SMIM8: variants seen among roughly 807,000 people sequenced by gnomAD.
SMIM8 encodes the protein UPF0708 protein C6orf162.
In SMIM8, 8 loss-of-function variants were observed where a neutral mutation model predicts 8.1. The ratio of observed to expected loss-of-function variants is 0.99; its 90% CI spans 0.58 to 1.78. The LOEUF is 1.78. Ranked by LOEUF, SMIM8 falls within the 40% of genes most tolerant of loss-of-function variation. The pLI is 0.00. For missense variants in SMIM8, 126 were observed against 119.8 expected (o/e 1.05, Z -0.24); for synonymous variants, 45 against 39.7 (o/e 1.13, Z -0.50).
chr6:87,329,530 A>G (rs548753846), intron 1 of SMIM8, among the ~76,000 whole-genome samples: 3 of 152,140 alleles, frequency 2.0e-5, no homozygotes, highest in East Asian at 1.9e-4. Context: ...ACCTCAAGCA[A>G]TCTACCCGCT....
At chr6:87,340,044 G>C in intron 3 of SMIM8, 72 bp from the exon 4 acceptor site, 1 of 1,290,030 alleles carries the variant, frequency 7.8e-7, no homozygotes. Flanking sequence ...CAGGAGGAAA[G>C]TGCAACCGAT....
intron 1 of SMIM8, among the ~76,000 whole-genome samples, chr6:87,327,395 G>A (rs962326412): frequency 4.6e-5 from 7 of 152,164 alleles, no homozygotes; most frequent in African/African-American, 1.7e-4. Context: ...GATGGTACAG[G>A]TTGTTCCTTT....
At chr6:87,328,041 T>A (rs1287485050) in intron 1 of SMIM8, among the ~76,000 whole-genome samples, 2 of 152,190 alleles carry the variant, frequency 1.3e-5, no homozygotes, top group African/African-American at 4.8e-5. Flanking sequence ...TTCCAGTTGA[T>A]CGCATCAGCT....
At chr6:87,329,921 CTTAA>C (rs1776953224) in intron 1 of SMIM8, among the ~76,000 whole-genome samples, 1 of 152,088 alleles carries the variant, frequency 6.6e-6, no homozygotes, top group African/African-American at 2.4e-5. Flanking sequence ...AATGTGTCAT[CTTAA>C]TTAATGCACA....
chr6:87,333,834 A>G (rs1175375311), intron 2 of SMIM8, among the ~76,000 whole-genome samples: 1 of 152,220 alleles, frequency 6.6e-6, no homozygotes, highest in Non-Finnish European at 1.5e-5. Context: ...TGCCAACCTT[A>G]GGAATTGTGT....
rs34117394 is a variant in SMIM8 at position 87,340,939 on chromosome 6, TAA to T, written c.*679_*680del. 18,676 of 160,922 alleles carry T rather than the reference TAA, an allele frequency of 0.12. 932 individuals are homozygous for T. Among genetic ancestry groups the T allele is most frequent in the East Asian group, 0.14 (836 of 6,042 alleles). The allele number at this position is 160,922 out of a possible 1,614,324, so 10.0% of individuals were successfully genotyped here. On this transcript the variant is annotated 3_prime_UTR_variant, in exon 4 of 4. Transcript: ENST00000392863. ...TCCCAGAGTAATTGGAGTTTTTCTTTAAAAAAAAAAAAAAAGTATGTTTTACT... is the reference window on the plus strand; with the variant it reads ...TCCCAGAGTAATTGGAGTTTTTCTTTAAAAAAAAAAAAAGTATGTTTTACT...
Position 87,341,478 on chromosome 6 carries a change from C to T in SMIM8, c.*1204C>T, listed in dbSNP as rs987695201. The T allele has an allele frequency of 2.5e-6, 1 of 392,224 alleles. No homozygotes were observed. Among genetic ancestry groups the T allele is most frequent in the Non-Finnish European group, 4.5e-6 (1 of 222,700 alleles). 24.3% of individuals were successfully genotyped at this position (392,224 alleles called of 1,614,324 possible). On this transcript the variant is annotated 3_prime_UTR_variant, in exon 4 of 4. Coordinates refer to ENST00000392863, the MANE Select transcript of SMIM8 (RefSeq NM_001042493.3). ...AATCTTTCTTACAAGGGTTCTGGAC[C>T]CGTTTCATTTCTAGATATATACCTA...
intron 1 of SMIM8, among the ~76,000 whole-genome samples, chr6:87,329,858 TA>T (rs1776951542): frequency 6.6e-6 from 1 of 152,190 alleles, no homozygotes; most frequent in African/African-American, 2.4e-5. Flanking sequence ...GGAGTTAGAC[TA>T]AATGGTGAGT....
At chr6:87,338,005 TTAAG>T (rs1178283108) in intron 3 of SMIM8, among the ~76,000 whole-genome samples, 1 of 152,164 alleles carries the variant, frequency 6.6e-6, no homozygotes, top group African/African-American at 2.4e-5. Context: ...TGATAAATAT[TTAAG>T]TGTGTTGAAT....
rs548053784 is a variant in SMIM8 at position 87,331,151 on chromosome 6, G to A, written c.-24+439G>A. 6.2e-4 allele frequency among the ~76,000 whole-genome samples: 95 copies of A among 152,298 alleles called. 1 individual carries two copies. In the South Asian group the frequency reaches 0.017, roughly 27 times the overall value. On this transcript the variant is annotated intron_variant, in intron 2 of 3. Coordinates refer to ENST00000392863, the MANE Select transcript of SMIM8 (RefSeq NM_001042493.3). ...AACTAGAGATTGGTCAATATCATAT[G>A]TAAGTAAATGAGTGACAGCTGCAGT...
At chr6:87,329,568 G>A (rs1776941725) in intron 1 of SMIM8, among the ~76,000 whole-genome samples, 1 of 152,232 alleles carries the variant, frequency 6.6e-6, no homozygotes, top group Non-Finnish European at 1.5e-5. Context: ...TGGGATTGCA[G>A]GCGTGAGCCA....
In SMIM8 at chr6:87,341,497, A is replaced by G. The variant is rs542736909; in HGVS notation, c.*1223A>G. On this transcript the variant is annotated 3_prime_UTR_variant, in exon 4 of 4. Coordinates refer to ENST00000392863, the MANE Select transcript of SMIM8 (RefSeq NM_001042493.3). Reference sequence around the variant, plus strand: ...CTGGACCCGTTTCATTTCTAGATATATACCTAATTCTCCAAATCATTGTCA... The same window carrying G: ...CTGGACCCGTTTCATTTCTAGATATGTACCTAATTCTCCAAATCATTGTCA... 4 of 388,562 alleles carry G rather than the reference A, an allele frequency of 1.0e-5. No homozygotes were observed. The South Asian group carries it at 4.3e-4, about 42-fold the overall frequency. The allele number at this position is 388,562 out of a possible 1,614,324, so 24.1% of individuals were successfully genotyped here.
At chr6:87,328,368 C>G (rs1456713110) in intron 1 of SMIM8, among the ~76,000 whole-genome samples, 1 of 151,950 alleles carries the variant, frequency 6.6e-6, no homozygotes, top group Non-Finnish European at 1.5e-5. Flanking sequence ...CTGTTTTTTC[C>G]CCATCTTTGT....
At chr6:87,340,080 C>T in intron 3 of SMIM8, 36 bp from the exon 4 acceptor site, 3 of 1,463,784 alleles carry the variant, frequency 2.0e-6, no homozygotes, top group Non-Finnish European at 2.7e-6. Context: ...AATTGTTAGT[C>T]TTACTAAAGC....
At chr6:87,324,476 C>T (rs557782349) in intron 1 of SMIM8, among the ~76,000 whole-genome samples, 192 of 150,496 alleles carry the variant, frequency 1.3e-3, no homozygotes, top group Non-Finnish European at 2.4e-3. Flanking sequence ...CCAGTTTCAG[C>T]TTTCTACATA....
intron 3 of SMIM8, among the ~76,000 whole-genome samples, chr6:87,339,819 C>G (rs1366809248): frequency 1.3e-5 from 2 of 152,146 alleles, no homozygotes; most frequent in Non-Finnish European, 2.9e-5. Flanking sequence ...GACCAGTTTT[C>G]CTGCCCCACT....
intron 1 of SMIM8, among the ~76,000 whole-genome samples, chr6:87,325,911 T>G (rs1459144498): frequency 6.6e-6 from 1 of 152,246 alleles, no homozygotes; most frequent in Non-Finnish European, 1.5e-5. Flanking sequence ...TCTTTTTGGT[T>G]GGTAAGCTAT....
Position 87,340,409 on chromosome 6 carries a change from A to G in SMIM8, c.*135A>G. On this transcript the variant is annotated 3_prime_UTR_variant, in exon 4 of 4. Coordinates refer to ENST00000392863, the MANE Select transcript of SMIM8 (RefSeq NM_001042493.3). ...GAGAGAAGATAGCAGTTGCAACCAG[A>G]CAACTGTCGTAAATTTTGTCCTTTC... 1 of 866,122 alleles carries G rather than the reference A, an allele frequency of 1.2e-6. No individual in the cohort carries two copies. The allele number at this position is 866,122 out of a possible 1,614,324, so 53.7% of individuals were successfully genotyped here. A position where few individuals can be genotyped will look rare whatever the true frequency, so the allele number is the denominator to read the frequency against.
chr6:87,340,904 A>T lies in SMIM8; in HGVS notation c.*630A>T, dbSNP rs544312023. 233 of 161,182 alleles carry T rather than the reference A, an allele frequency of 1.4e-3. No homozygotes were observed. The highest frequency in any genetic ancestry group is 4.2e-3 in the African/African-American group (175 of 41,542). 10.0% of individuals were successfully genotyped at this position (161,182 alleles called of 1,614,324 possible). ...CTTCCACTCAGCTACTAAAATAAGG[A>T]TTAAGAATATCCCAGAGTAATTGGA... On this transcript the variant is annotated 3_prime_UTR_variant, in exon 4 of 4. Transcript: ENST00000392863.
Sources: allele counts gnomAD v4.1 joint callset (sites outside exome capture counted in the v4.1 genomes callset), GRCh38; gene constraint gnomAD v4.1.1; transcripts MANE v1.5; gene names NCBI Gene and HGNC (gene_info 2026-07-23, HGNC 2026-07-21).